FRMD4A: variants seen among roughly 807,000 people sequenced by gnomAD.
FRMD4A encodes FERM domain-containing protein 4A.
In FRMD4A, 29 loss-of-function variants were observed where a neutral mutation model predicts 129.1. The observed-to-expected ratio is 0.22, with a 90% CI of 0.17 to 0.31. FRMD4A has a LOEUF of 0.31. FRMD4A is among the 10% of genes least tolerant of loss of function. The probability of loss-of-function intolerance (pLI) is 1.00; values close to 1 mark genes in which losing one functional copy is unlikely to be tolerated. For missense variants in FRMD4A, 1,272 were observed against 1,375.8 expected, an observed-to-expected ratio of 0.92 and a Z score of 1.19; for synonymous variants, 634 against 571.6, an observed-to-expected ratio of 1.11 and a Z score of -1.56.
chr10:14,211,036 A>G (rs533505853), intron 2 of FRMD4A, among the ~76,000 whole-genome samples: 44 of 152,208 alleles, frequency 2.9e-4, no homozygotes, highest in South Asian at 2.1e-3. Context: ...CAGATATTCA[A>G]TTTTTAGGAA....
intron 5 of FRMD4A, among the ~76,000 whole-genome samples, chr10:13,794,656 C>A (rs181538058): frequency 4.4e-4 from 67 of 152,260 alleles, no homozygotes; most frequent in Non-Finnish European, 7.9e-4. Context: ...CACATTCTGC[C>A]AGATGGCGTG....
intron 2 of FRMD4A, among the ~76,000 whole-genome samples, chr10:13,888,309 C>T (rs997303211): frequency 6.6e-6 from 1 of 152,230 alleles, no homozygotes; most frequent in Non-Finnish European, 1.5e-5. Flanking sequence ...ATACCCTCCA[C>T]AATTGATGCA....
intron 2 of FRMD4A, among the ~76,000 whole-genome samples, chr10:14,079,528 T>C (rs1234395629): frequency 1.3e-5 from 2 of 152,234 alleles, no homozygotes; most frequent in Non-Finnish European, 1.5e-5. Flanking sequence ...AACACCAATG[T>C]ACTAATAATC....
chr10:14,015,797 G>A (rs2095697356), intron 2 of FRMD4A, among the ~76,000 whole-genome samples: 1 of 152,038 alleles, frequency 6.6e-6, no homozygotes, highest in South Asian at 2.1e-4. Context: ...TCTATTACAG[G>A]CACTATTCTA....
Position 13,783,110 on chromosome 10 carries a change from C to T in FRMD4A, c.300-104G>A, listed in dbSNP as rs57128342. 0.021 allele frequency: 14,374 copies of T among 697,378 alleles called. 454 individuals carry two copies. The highest frequency in any genetic ancestry group is 0.096 in the East Asian group (3,816 of 39,558). 43.2% of individuals were successfully genotyped at this position (697,378 alleles called of 1,614,324 possible). ...GAGATGAAAGCTGGCATTCCCCATC[C>T]TAAATAAACAAAGGAAAAAGGCACC... On this transcript the variant is annotated intron_variant, in intron 5 of 24. Transcript: ENST00000357447.
chr10:14,322,312 G>C (rs946155629), intron 2 of FRMD4A, among the ~76,000 whole-genome samples: 2 of 152,102 alleles, frequency 1.3e-5, no homozygotes, highest in Non-Finnish European at 2.9e-5. Context: ...CTAATCCCAG[G>C]ATAACAAGCA....
chr10:14,183,299 C>T (rs181823977), intron 2 of FRMD4A, among the ~76,000 whole-genome samples: 1 of 152,196 alleles, frequency 6.6e-6, no homozygotes, highest in African/African-American at 2.4e-5. Context: ...GAAAGTTACA[C>T]ATTAATTTAT....
At chr10:14,075,155 T>A (rs1870746) in intron 2 of FRMD4A, among the ~76,000 whole-genome samples, 30,888 of 152,170 alleles carry the variant, frequency 0.2, 3,920 homozygotes, top group East Asian at 0.41. Context: ...TAAGTTACAA[T>A]CACATTTACA....
intron 12 of FRMD4A, among the ~76,000 whole-genome samples, chr10:13,737,159 G>T (rs1350888421): frequency 6.6e-6 from 1 of 152,146 alleles, no homozygotes; most frequent in Non-Finnish European, 1.5e-5. Flanking sequence ...GGGCAATCCT[G>T]GCTCACTGCA....
At chr10:13,762,487 C>A in intron 7 of FRMD4A, 137 bp downstream of exon 7, 1 of 618,294 alleles carries the variant, frequency 1.6e-6, no homozygotes, top group Middle Eastern at 2.6e-4. Flanking sequence ...TCTAATAGCT[C>A]TATGCAGCTT....
chr10:14,189,546 C>A (rs1842253949), intron 2 of FRMD4A, among the ~76,000 whole-genome samples: 2 of 151,916 alleles, frequency 1.3e-5, no homozygotes, highest in South Asian at 4.2e-4. Context: ...TGCACTCCAG[C>A]CTGGGCAACA....
intron 2 of FRMD4A, among the ~76,000 whole-genome samples, chr10:14,152,657 C>T (rs1033346162): frequency 3.3e-5 from 5 of 152,112 alleles, no homozygotes; most frequent in Admixed American, 3.3e-4. Flanking sequence ...GGCAACATAG[C>T]GAGACCCTGT....
At chr10:14,146,612 C>T (rs1198865782) in intron 2 of FRMD4A, among the ~76,000 whole-genome samples, 1 of 152,050 alleles carries the variant, frequency 6.6e-6, no homozygotes, top group Non-Finnish European at 1.5e-5. Context: ...GAGATTTGCC[C>T]TCCCAGAACT....
intron 2 of FRMD4A, among the ~76,000 whole-genome samples, chr10:13,979,392 C>T (rs1032298773): frequency 6.6e-6 from 1 of 152,034 alleles, no homozygotes; most frequent in Non-Finnish European, 1.5e-5. Flanking sequence ...TGACTTTATG[C>T]TCATAGGAGA....
At chr10:14,185,773 C>T (rs182684649) in intron 2 of FRMD4A, among the ~76,000 whole-genome samples, 1 of 151,158 alleles carries the variant, frequency 6.6e-6, no homozygotes, top group East Asian at 1.9e-4. Flanking sequence ...GCCAAAGCAA[C>T]AGATACGTAC....
At chr10:13,865,682 CA>C (rs927392344) in intron 2 of FRMD4A, among the ~76,000 whole-genome samples, 4 of 151,940 alleles carry the variant, frequency 2.6e-5, no homozygotes, top group African/African-American at 9.7e-5. Context: ...TGACCCTCCC[CA>C]CCTTAGCCTC....
chr10:13,648,879 T>A (rs1357450199), intron 24 of FRMD4A: 2 of 152,214 alleles, frequency 1.3e-5, no homozygotes, highest in Non-Finnish European at 2.9e-5. Flanking sequence ...TTAGGAACAC[T>A]TAGCCAGTGT....
intron 8 of FRMD4A, among the ~76,000 whole-genome samples, chr10:13,750,109 G>GAAAGAAAAGAAGAAAGAAAGAAAGA (rs59377985): frequency 2.7e-5 from 2 of 73,576 alleles, no homozygotes; most frequent in Non-Finnish European, 5.2e-5. Flanking sequence ...AGAAAGAAAT[G>GAAAGAAAAGAAGAAAGAAAGAAAGA]AAGAAAGAAA....
rs181534702 is a variant in FRMD4A at position 14,047,960 on chromosome 10, C to A, written c.46-189048G>T. ...TTCCACTGCATAGAGCCATTTCTAC[C>A]ATTTAACAACAAATGTATAAGGCAT... is the stretch of plus-strand genomic sequence containing the variant. On this transcript the variant is annotated intron_variant, in intron 2 of 24. Transcript: ENST00000357447. 4.1e-4 allele frequency among the ~76,000 whole-genome samples: 62 copies of A among 152,326 alleles called. 1 individual carries two copies. Among genetic ancestry groups the A allele is most frequent in the Middle Eastern group, 3.4e-3 (1 of 294 alleles).
Sources: allele counts gnomAD v4.1 joint callset (sites outside exome capture counted in the v4.1 genomes callset), GRCh38; gene constraint gnomAD v4.1.1; transcripts MANE v1.5; gene names NCBI Gene and HGNC (gene_info 2026-07-23, HGNC 2026-07-21).